ITPR3: variants seen among roughly 807,000 people sequenced by gnomAD.
ITPR3 encodes the protein inositol 1,4,5-trisphosphate-gated calcium channel ITPR3.
Under a neutral mutation model 293.2 loss-of-function variants are expected in ITPR3, and 173 were observed. The observed-to-expected ratio is 0.59, with a 90% confidence interval of 0.52 to 0.67. ITPR3 has a LOEUF of 0.67. Among genes scored for constraint, ITPR3 ranks in the 30% least tolerant of loss-of-function variants. ITPR3 has a pLI of 0.00. For missense variants in ITPR3, 2,796 were observed against 3,592.1 expected, an observed-to-expected ratio of 0.78 and a Z score of 5.66; for synonymous variants, 1,295 against 1,444.4, an observed-to-expected ratio of 0.90 and a Z score of 2.35.
rs1379592218 is a variant in ITPR3 at position 33,682,089 on chromosome 6, C to T, written c.4477-435C>T. ...TAGAGACAGGGTTTCACCATGTTGG[C>T]CAGGCTGGTCTCGAACTCCTGACCG... is the stretch of plus-strand genomic sequence containing the variant. On this transcript the variant is annotated intron_variant, in intron 33 of 57. Transcript: ENST00000605930. This position sits in a 1 kb window ranked among gnomAD's most constrained non-coding sequence, Gnocchi z 5.4. Among the ~76,000 whole-genome samples the T allele has an allele frequency of 6.6e-6, 1 of 152,148 alleles. No homozygotes were observed. Among genetic ancestry groups the T allele is most frequent in the African/African-American group, 2.4e-5 (1 of 41,424 alleles).
rs369256449 is a variant in ITPR3 at position 33,667,856 on chromosome 6, A to T, written c.1778A>T (p.Asp593Val). The T allele has an allele frequency of 3.1e-6, 5 of 1,614,130 alleles. No homozygotes were observed. Among genetic ancestry groups the T allele is most frequent in the Non-Finnish European group, 4.2e-6 (5 of 1,180,018 alleles). The change falls in exon 16 of 58, where the codon GAC becomes GTC. Residue 593 changes from aspartate to valine, a missense_variant. Asp to Val is a radical substitution (Grantham distance 152). Around this residue, in one of 8 missense-constraint regions of ITPR3, gnomAD observed 955 missense variants for 1,180.8 expected, o/e 0.81. Transcript: ENST00000605930. This position sits in a 1 kb window ranked among gnomAD's most constrained non-coding sequence, Gnocchi z 4.4. ...ATTGGCTACGACATCCTGGCCGAGG[A>T]CACCATCACTGCCCTGCTGCACAAC... ...SQIGYDILAE[D>V]TITALLHNNR...
At chr6:33,645,942 A>G (rs1764055758) in intron 2 of ITPR3, among the ~76,000 whole-genome samples, 1 of 151,854 alleles carries the variant, frequency 6.6e-6, no homozygotes, top group Non-Finnish European at 1.5e-5. Flanking sequence ...GATTCAAGCG[A>G]TTCTTCAGCC....
chr6:33,668,782 T>C, intron 17 of ITPR3, 148 bp downstream of exon 17: 1 of 1,363,980 alleles, frequency 7.3e-7, no homozygotes, highest in Non-Finnish European at 1.0e-6. Context: ...TGCCCCGCTG[T>C]GTGCCTGGCA....
chr6:33,651,723 T>C (rs1385296555), intron 2 of ITPR3, among the ~76,000 whole-genome samples: 3 of 152,242 alleles, frequency 2.0e-5, no homozygotes, highest in East Asian at 1.9e-4. Context: ...CACCATCTTG[T>C]TGATTCTTTA....
At chr6:33,643,174 G>A (rs573858225) in intron 2 of ITPR3, among the ~76,000 whole-genome samples, 2 of 152,316 alleles carry the variant, frequency 1.3e-5, no homozygotes, top group East Asian at 3.9e-4. Context: ...TTAGAAGTTG[G>A]CTGGTGGTCA....
Position 33,692,000 on chromosome 6 carries a change from C to T in ITPR3, c.7458+72C>T. On this transcript the variant is annotated intron_variant, in intron 54 of 57. Transcript: ENST00000605930. The surrounding 1 kb of genome is among the most constrained non-coding windows in gnomAD (Gnocchi z 4.9). ...TCCAGATCAGCAACTGTGGAGAGTC[C>T]TGTCCTTGGCCTCGCGTCAGATATT... 2 of 1,591,320 alleles carry T rather than the reference C, an allele frequency of 1.3e-6. No individual in the cohort carries two copies. Among genetic ancestry groups the T allele is most frequent in the Non-Finnish European group, 8.6e-7 (1 of 1,163,862 alleles).
At position 33,691,139 on chromosome 6, in the gene ITPR3, T is replaced by G. The variant is rs1394197777; in HGVS notation, c.7225+30T>G. On this transcript the variant is annotated intron_variant, in intron 52 of 57. Transcript: ENST00000605930. This position sits in a 1 kb window ranked among gnomAD's most constrained non-coding sequence, Gnocchi z 4.9. Reference sequence around the variant, plus strand: ...TGGAGGCTTCCTCTCCTGGGCAGGTTGTGGGGAATGAGGTTGGGTCTCACA... The same window carrying G: ...TGGAGGCTTCCTCTCCTGGGCAGGTGGTGGGGAATGAGGTTGGGTCTCACA... 1 of 1,609,282 alleles carries G rather than the reference T, an allele frequency of 6.2e-7. No individual in the cohort carries two copies.
At chr6:33,649,590 T>A (rs981328127) in intron 2 of ITPR3, among the ~76,000 whole-genome samples, 5 of 152,248 alleles carry the variant, frequency 3.3e-5, no homozygotes, top group Non-Finnish European at 7.3e-5. Context: ...CACAATGACA[T>A]CTTGGGTGTT....
At chr6:33,626,760 C>T (rs1229168519) in intron 1 of ITPR3, among the ~76,000 whole-genome samples, 5 of 152,198 alleles carry the variant, frequency 3.3e-5, no homozygotes, top group Non-Finnish European at 7.3e-5. Context: ...CTGCCTTTCC[C>T]TCGCTGATAG....
rs932780485 is a variant in ITPR3, at chr6:33,682,573, T to G, written c.4526T>G (p.Leu1509Arg). Residue 1509 changes from leucine to arginine, a missense_variant, in exon 34 of 58, where the codon CTC becomes CGC. By Grantham distance (102) the Leu-to-Arg change is moderately radical. Transcript: ENST00000605930. This position sits in a 1 kb window ranked among gnomAD's most constrained non-coding sequence, Gnocchi z 5.4. The stretch of plus-strand genomic sequence containing the variant: ...CTGCTGCAGTCTACCACACGCCTCC[T>G]CGAGTGTCCGTGGCTACAGCAGCAG... The part of the protein sequence containing the change: ...VQLLQSTTRL[L>R]ECPWLQQQHK... The G allele has an allele frequency of 2.1e-5, 33 of 1,590,900 alleles. No individual in the cohort carries two copies. The highest frequency in any genetic ancestry group is 2.7e-5 in the Non-Finnish European group (32 of 1,168,686).
In ITPR3 at chr6:33,691,491, G is replaced by C. The variant is rs1165782725; in HGVS notation, c.7226-124G>C. Reference sequence around the variant, plus strand: ...GCGTGATGACCCTTCACTGTGGCTGGACAGTGGAGGGCTGGCGATCCAGGA... The same window carrying C: ...GCGTGATGACCCTTCACTGTGGCTGCACAGTGGAGGGCTGGCGATCCAGGA... On this transcript the variant is annotated intron_variant, in intron 52 of 57. Transcript: ENST00000605930. This position sits in a 1 kb window ranked among gnomAD's most constrained non-coding sequence, Gnocchi z 4.9. 3.9e-6 allele frequency: 3 copies of C among 770,782 alleles called. No individual in the cohort carries two copies. The highest frequency in any genetic ancestry group is 4.6e-5 in the Admixed American group (2 of 43,876). The allele number at this position is 770,782 out of a possible 1,614,324, so 47.7% of individuals were successfully genotyped here. A position where few individuals can be genotyped will look rare whatever the true frequency, so the allele number is the denominator to read the frequency against.
chr6:33,687,887 A>G lies in ITPR3; in HGVS notation c.6265-170A>G, dbSNP rs1765279005. On this transcript the variant is annotated intron_variant, in intron 46 of 57. Coordinates refer to ENST00000605930, the MANE Select transcript of ITPR3 (RefSeq NM_002224.4). This position sits in a 1 kb window ranked among gnomAD's most constrained non-coding sequence, Gnocchi z 5.3. ...CTCCCACTCCCCTCCCTTTGGCACC[A>G]GGTTCTCAAGGCTCAGTCCTAGTTG... Among the ~76,000 whole-genome samples the G allele has an allele frequency of 6.6e-6, 1 of 152,144 alleles. No homozygotes were observed.
At chr6:33,673,434 G>A (rs1582144897) in intron 22 of ITPR3, among the ~76,000 whole-genome samples, 157 bp from the exon 23 acceptor site, 1 of 152,080 alleles carries the variant, frequency 6.6e-6, no homozygotes, top group African/African-American at 2.4e-5. Flanking sequence ...TGACATCCTG[G>A]AGCATCCCAA....
rs370454006 is a variant in ITPR3, at chr6:33,670,647, A to G, written c.2442-24A>G. 2 of 1,613,650 alleles carry G rather than the reference A, an allele frequency of 1.2e-6. No individual in the cohort carries two copies. Among genetic ancestry groups the G allele is most frequent in the Non-Finnish European group, 8.5e-7 (1 of 1,179,958 alleles). ...GAGTGGGTGTATCTCGGGGACCTTC[A>G]TGCCTCATGGCCTCCACCCTCAGCT... On this transcript the variant is annotated intron_variant, in intron 19 of 57. Transcript: ENST00000605930. This position sits in a 1 kb window ranked among gnomAD's most constrained non-coding sequence, Gnocchi z 6.7.
rs778862353 is a variant in ITPR3 at position 33,677,565 on chromosome 6, G to A, written c.3584G>A (p.Arg1195Gln). The A allele has an allele frequency of 3.7e-6, 6 of 1,613,874 alleles. No individual in the cohort carries two copies. Among genetic ancestry groups the A allele is most frequent in the South Asian group, 1.1e-5 (1 of 91,084 alleles). The stretch of plus-strand genomic sequence containing the variant: ...GAGCAAATGAGGAAGAAGCAGCAAC[G>A]GCTGCTGAAGAACATGGATGCCCAC... ...VGEQMRKKQQRLLKNMDAHKV... is the reference protein window; with the variant it reads ...VGEQMRKKQQQLLKNMDAHKV... Residue 1195 changes from arginine (R) to glutamine (Q), a missense_variant, in exon 28 of 58, where the codon CGG becomes CAG. By Grantham distance (43) the Arg-to-Gln change is conservative (BLOSUM62 1). Coordinates refer to ENST00000605930, the MANE Select transcript of ITPR3 (RefSeq NM_002224.4).
chr6:33,658,082 G>T lies in ITPR3; in HGVS notation c.369+64G>T. 6.9e-7 allele frequency: 1 copy of T among 1,439,522 alleles called. No homozygotes were observed. Among genetic ancestry groups the T allele is most frequent in the Middle Eastern group, 1.8e-4 (1 of 5,592 alleles). 89.2% of individuals were successfully genotyped at this position (1,439,522 alleles called of 1,614,324 possible). A position where few individuals can be genotyped will look rare whatever the true frequency, so the allele number is the denominator to read the frequency against. ...CTGCCTAAGAGGCTGGGCTGGTGCT[G>T]GGTGAGGGCTGCCAGCAGGCATTGC... is the stretch of plus-strand genomic sequence containing the variant. On this transcript the variant is annotated intron_variant, in intron 4 of 57. Transcript: ENST00000605930. The surrounding 1 kb of genome is among the most constrained non-coding windows in gnomAD (Gnocchi z 6.1).
intron 2 of ITPR3, among the ~76,000 whole-genome samples, chr6:33,652,401 G>T (rs1009797460): frequency 1.3e-5 from 2 of 152,202 alleles, no homozygotes; most frequent in African/African-American, 4.8e-5. Context: ...CGAGTCTGGT[G>T]AGGGTAGCAA....
In ITPR3 at chr6:33,682,432, A is replaced by T; in HGVS notation, c.4477-92A>T. ...TAGTGAAGGCTCCGTCTCTCCACCC[A>T]TGCCCATTCTGATTGGGCCCTGGTT... On this transcript the variant is annotated intron_variant, in intron 33 of 57. Transcript: ENST00000605930. This position sits in a 1 kb window ranked among gnomAD's most constrained non-coding sequence, Gnocchi z 5.4. 1.4e-6 allele frequency: 2 copies of T among 1,392,248 alleles called. No homozygotes were observed. Among genetic ancestry groups the T allele is most frequent in the Non-Finnish European group, 1.9e-6 (2 of 1,051,384 alleles). 86.2% of individuals were successfully genotyped at this position (1,392,248 alleles called of 1,614,324 possible).
rs373677125 is a variant in ITPR3 at position 33,680,500 on chromosome 6, G to A, written c.4350+46G>A. ...TGGGTGAAGCCCCCCAGGAGGTGTG[G>A]GAGTGGAGGGGCCCCATGTGAGGAG... is the stretch of plus-strand genomic sequence containing the variant. On this transcript the variant is annotated intron_variant, in intron 32 of 57. Transcript: ENST00000605930. The A allele has an allele frequency of 1.2e-4, 188 of 1,610,826 alleles. 1 individual carries two copies. The highest frequency in any genetic ancestry group is 6.0e-4 in the Admixed American group (36 of 59,996).
Sources: allele counts gnomAD v4.1 joint callset (sites outside exome capture counted in the v4.1 genomes callset), GRCh38; gene constraint gnomAD v4.1.1; regional missense constraint gnomAD v4.1.1; non-coding constraint Gnocchi (gnomAD v3.1); transcripts MANE v1.5; gene names NCBI Gene and HGNC (gene_info 2026-07-23, HGNC 2026-07-21).